The following ZFHX3 variants were observed in gnomAD, a reference collection of about 807,000 sequenced individuals.
ZFHX3 encodes zinc finger homeobox 3.
Under a neutral mutation model 279.1 loss-of-function variants are expected in ZFHX3, and 42 were observed. The ratio of observed to expected loss-of-function variants is 0.15; its 90% CI spans 0.12 to 0.19. The LOEUF is 0.19. Among genes scored for constraint, ZFHX3 ranks in the 10% least tolerant of loss-of-function variants. The pLI, the probability that ZFHX3 is intolerant of heterozygous loss-of-function variation, is 1.00. For missense variants in ZFHX3, 4,981 were observed against 4,754.0 expected (o/e 1.05, Z -1.40); for synonymous variants, 2,293 against 1,957.8 (o/e 1.17, Z -4.52).
rs553785893 is a variant in ZFHX3 at position 73,231,943 on chromosome 16, C to G, written c.-1104+25104G>C. The G allele has an allele frequency of 2.0e-5, 3 of 152,080 alleles. No individual in the cohort carries two copies. The East Asian group carries it at 5.8e-4, about 29-fold the overall frequency. The allele number at this position is 152,080 out of a possible 1,614,324, so 9.4% of individuals were successfully genotyped here. ...TTTTTTTTCTATCTTTTGGGCGACACGATAAAAAATAACCCTGTATTTATG... is the reference window on the plus strand; with the variant it reads ...TTTTTTTTCTATCTTTTGGGCGACAGGATAAAAAATAACCCTGTATTTATG... On this transcript the variant is annotated intron_variant, in intron 5 of 17. Transcript: ENST00000641206.
chr16:73,350,949 G>A (rs962611296), intron 3 of ZFHX3, among the ~76,000 whole-genome samples: 1 of 152,188 alleles, frequency 6.6e-6, no homozygotes, highest in African/African-American at 2.4e-5. Flanking sequence ...AGCTCATCGG[G>A]ATCCAAACCC....
intron 4 of ZFHX3, among the ~76,000 whole-genome samples, chr16:73,263,683 G>A (rs2013888208): frequency 1.3e-5 from 2 of 152,174 alleles, no homozygotes; most frequent in Admixed American, 6.5e-5. Context: ...AGAGAGATTG[G>A]TACAGGACCC....
intron 1 of ZFHX3, among the ~76,000 whole-genome samples, chr16:73,840,540 C>A (rs1201570392): frequency 6.6e-6 from 1 of 152,170 alleles, no homozygotes; most frequent in Non-Finnish European, 1.5e-5. Flanking sequence ...GATATAGAAC[C>A]TTCTAGTACC....
intron 1 of ZFHX3, among the ~76,000 whole-genome samples, chr16:73,690,816 G>A (rs7186332): frequency 0.11 from 17,477 of 152,206 alleles, 1,076 homozygotes; most frequent in African/African-American, 0.13. Context: ...AATGAGGGAG[G>A]TTACCTTACA....
chr16:73,554,076 C>A (rs533693340), intron 2 of ZFHX3, among the ~76,000 whole-genome samples: 3 of 152,238 alleles, frequency 2.0e-5, no homozygotes, highest in Admixed American at 2.0e-4. Flanking sequence ...TAAATTTTTT[C>A]TTTTCTTCGT....
At chr16:72,972,853 C>T (rs1445581521) in intron 1 of ZFHX3, among the ~76,000 whole-genome samples, 2 of 152,166 alleles carry the variant, frequency 1.3e-5, no homozygotes, top group Admixed American at 6.5e-5. Context: ...TCTCCCCATT[C>T]CTACAGCTCT....
intron 1 of ZFHX3, among the ~76,000 whole-genome samples, chr16:73,695,388 C>A (rs1473354399): frequency 6.6e-6 from 1 of 152,058 alleles, no homozygotes; most frequent in Non-Finnish European, 1.5e-5. Context: ...AGGCACCCAG[C>A]TGGCTGAGAC....
intron 5 of ZFHX3, among the ~76,000 whole-genome samples, chr16:73,154,884 A>G (rs1967034779): frequency 6.6e-6 from 1 of 152,114 alleles, no homozygotes; most frequent in Admixed American, 6.5e-5. Context: ...AAAGAAAGAT[A>G]TTTTTGGGAT....
At chr16:72,915,603 A>T (rs1256963091) in intron 3 of ZFHX3, among the ~76,000 whole-genome samples, 1 of 103,346 alleles carries the variant, frequency 9.7e-6, no homozygotes, top group East Asian at 2.0e-4. Flanking sequence ...TACAAAAAAT[A>T]AAAAAAATTA....
intron 5 of ZFHX3, among the ~76,000 whole-genome samples, chr16:73,164,877 A>C (rs1326039771): frequency 6.6e-6 from 1 of 152,170 alleles, no homozygotes; most frequent in African/African-American, 2.4e-5. Context: ...GAGGCAAATG[A>C]GTTGCAAGGA....
intron 3 of ZFHX3, among the ~76,000 whole-genome samples, chr16:73,333,065 G>A (rs951179515): frequency 2.0e-5 from 3 of 151,810 alleles, no homozygotes; most frequent in African/African-American, 7.3e-5. Context: ...CACAGTTTTA[G>A]GAGACAAAGA....
chr16:73,019,319 AGCGTGTGCGTGTGTGTGTCTGT>A (rs1432080582), intron 1 of ZFHX3, among the ~76,000 whole-genome samples: 3 of 135,954 alleles, frequency 2.2e-5, no homozygotes, highest in Non-Finnish European at 3.1e-5. Flanking sequence ...ATCCTCCACC[AGCGTGTGCGTGTGTGTGTCTGT>A]GCGTGTGTGT....
intron 3 of ZFHX3, among the ~76,000 whole-genome samples, chr16:73,440,007 G>A (rs1481503514): frequency 6.6e-6 from 1 of 151,186 alleles, no homozygotes; most frequent in Admixed American, 6.6e-5. Context: ...TGAGATGGAG[G>A]AACACGCATG....
At chr16:73,386,751 C>CG (rs34738010) in intron 3 of ZFHX3, 38,778 of 147,898 alleles carry the variant, frequency 0.26, 5,090 homozygotes, top group East Asian at 0.46. Flanking sequence ...TATGTGGAAG[C>CG]AAAAAAAAAA....
At chr16:73,605,031 A>C (rs2052163565) in intron 2 of ZFHX3, among the ~76,000 whole-genome samples, 1 of 152,124 alleles carries the variant, frequency 6.6e-6, no homozygotes, top group South Asian at 2.1e-4. Context: ...TAACTGCTAT[A>C]CCCCAGCTCT....
chr16:73,160,938 C>G (rs1967220545), intron 5 of ZFHX3, among the ~76,000 whole-genome samples: 1 of 151,964 alleles, frequency 6.6e-6, no homozygotes, highest in South Asian at 2.1e-4. Context: ...ACACTCTGGT[C>G]TGGCTATAAC....
At chr16:73,740,355 A>G (rs1311910325) in intron 1 of ZFHX3, among the ~76,000 whole-genome samples, 1 of 152,064 alleles carries the variant, frequency 6.6e-6, no homozygotes, top group Non-Finnish European at 1.5e-5. Flanking sequence ...CTGGCTCCCT[A>G]AAGGTTGAAA....
At chr16:72,907,278 G>A (rs2144162971) in intron 3 of ZFHX3, among the ~76,000 whole-genome samples, 1 of 152,242 alleles carries the variant, frequency 6.6e-6, no homozygotes, top group South Asian at 2.1e-4. Context: ...GGTAGCACTG[G>A]TATTTTTATA....
intron 1 of ZFHX3, among the ~76,000 whole-genome samples, chr16:73,800,355 C>A (rs1960108648): frequency 6.6e-6 from 1 of 151,984 alleles, no homozygotes; most frequent in Non-Finnish European, 1.5e-5. Flanking sequence ...GTAGCTGGGA[C>A]TACAGATGCA....
Sources: allele counts gnomAD v4.1 joint callset (sites outside exome capture counted in the v4.1 genomes callset), GRCh38; gene constraint gnomAD v4.1.1; transcripts MANE v1.5; gene names NCBI Gene and HGNC (gene_info 2026-07-23, HGNC 2026-07-21).